The following PPP2R2C variants were observed in gnomAD, a reference collection of about 807,000 sequenced individuals.
The protein encoded by PPP2R2C is protein phosphatase 2, regulatory subunit B, gamma.
Under a neutral mutation model 45.3 loss-of-function variants are expected in PPP2R2C, and 10 were observed. The ratio of observed to expected loss-of-function variants is 0.22; its 90% CI spans 0.14 to 0.37. PPP2R2C has a LOEUF of 0.37. Among genes scored for constraint, PPP2R2C ranks in the 10% least tolerant of loss-of-function variants. PPP2R2C has a pLI of 1.00. For missense variants in PPP2R2C, 308 were observed against 619.7 expected (o/e 0.50, Z 5.34); for synonymous variants, 257 against 245.4 (o/e 1.05, Z -0.44).
chr4:6,336,367 C>T lies in PPP2R2C; in HGVS notation c.791-2636G>A, dbSNP rs1044401654. ...GCACCATGGGAAGGAAGGGTGAGGC[C>T]GCTCGCAGAGGGAGCTGGGAGAGAA... On this transcript the variant is annotated intron_variant, in intron 6 of 8. Coordinates refer to ENST00000382599, the MANE Select transcript of PPP2R2C (RefSeq NM_020416.4). Among the ~76,000 whole-genome samples the T allele has an allele frequency of 3.0e-4, 46 of 152,132 alleles. 1 individual carries two copies. The highest frequency in any genetic ancestry group is 2.1e-3 in the Admixed American group (32 of 15,296).
At chr4:6,498,177 C>T (rs908947772) in intron 2 of PPP2R2C, among the ~76,000 whole-genome samples, 8 of 152,306 alleles carry the variant, frequency 5.3e-5, no homozygotes, top group South Asian at 4.1e-4. Flanking sequence ...CTACACACAT[C>T]GACAAGGAAT....
chr4:6,414,176 C>G, intron 1 of PPP2R2C: 1 of 935,138 alleles, frequency 1.1e-6, no homozygotes, highest in African/African-American at 1.7e-5. Flanking sequence ...TGCCTTTTTC[C>G]TCCTCCTGGC....
In PPP2R2C at chr4:6,405,728, C is replaced by T. The variant is rs578104649; in HGVS notation, c.71-24634G>A. On this transcript the variant is annotated intron_variant, in intron 1 of 8. Transcript: ENST00000382599. ...TCCAGATGCTGACATGACAACATCA[C>T]GAAAACCTCATTTGCAAACCCAAAT... 2.3e-3 allele frequency among the ~76,000 whole-genome samples: 349 copies of T among 152,216 alleles called. 1 individual carries two copies. The highest frequency in any genetic ancestry group is 8.1e-3 in the African/African-American group (335 of 41,526).
rs1170821871 is a variant in PPP2R2C, at chr4:6,374,821, G to A, written c.447+998C>T. Among the ~76,000 whole-genome samples, 3 of 152,178 alleles carry A rather than the reference G, an allele frequency of 2.0e-5. No individual in the cohort carries two copies. In the South Asian group the frequency reaches 6.2e-4, roughly 31 times the overall value. Reference sequence around the variant, plus strand: ...GCGTGGAGCAGCTCCTCAGTAAACAGCTGCCTCCAGTGTGAACTGCGCAGG... The same window carrying A: ...GCGTGGAGCAGCTCCTCAGTAAACAACTGCCTCCAGTGTGAACTGCGCAGG... On this transcript the variant is annotated intron_variant, in intron 4 of 8. Coordinates refer to ENST00000382599, the MANE Select transcript of PPP2R2C (RefSeq NM_020416.4).
chr4:6,369,698 C>T (rs60665192), intron 5 of PPP2R2C, among the ~76,000 whole-genome samples: 1,862 of 152,268 alleles, frequency 0.012, 39 homozygotes, highest in African/African-American at 0.043. Flanking sequence ...AGGCAGCCTC[C>T]TCGAGCCCAG....
chr4:6,538,417 G>A (rs902100796), intron 1 of PPP2R2C, among the ~76,000 whole-genome samples: 3 of 152,066 alleles, frequency 2.0e-5, no homozygotes, highest in Admixed American at 6.5e-5. Context: ...CGTCCCCAGC[G>A]ACGCAAGCGT....
chr4:6,459,823 T>C (rs897135243), intron 1 of PPP2R2C, among the ~76,000 whole-genome samples: 1 of 152,052 alleles, frequency 6.6e-6, no homozygotes, highest in African/African-American at 2.4e-5. Context: ...ACCATAATAT[T>C]GGCAAATATT....
intron 1 of PPP2R2C, among the ~76,000 whole-genome samples, chr4:6,407,164 T>G (rs1717850736): frequency 6.6e-6 from 1 of 152,230 alleles, no homozygotes; most frequent in Admixed American, 6.5e-5. Flanking sequence ...AAGTTTCTGC[T>G]GTTTAAACAA....
chr4:6,508,361 C>T (rs942501369), intron 2 of PPP2R2C, among the ~76,000 whole-genome samples: 9 of 151,884 alleles, frequency 5.9e-5, no homozygotes, highest in African/African-American at 9.7e-5. Flanking sequence ...CCGAGGTGGG[C>T]GAATCACGAG....
rs544644232 is a variant in PPP2R2C at position 6,324,921 on chromosome 4, G to C, written c.1053-1328C>G. Among the ~76,000 whole-genome samples the C allele has an allele frequency of 1.3e-5, 2 of 152,216 alleles. No homozygotes were observed. The highest frequency in any genetic ancestry group is 2.4e-5 in the African/African-American group (1 of 41,460). The stretch of plus-strand genomic sequence containing the variant: ...GGAGGAAGAGGATGTTACGAAAAGC[G>C]ACCATAAAGAAGTTGTCCTGCTGAA... On this transcript the variant is annotated intron_variant, in intron 8 of 8. Transcript: ENST00000382599. The surrounding 1 kb of genome is among the most constrained non-coding windows in gnomAD (Gnocchi z 4.1).
intron 1 of PPP2R2C, among the ~76,000 whole-genome samples, chr4:6,552,967 G>A (rs1725232010): frequency 6.6e-6 from 1 of 152,194 alleles, no homozygotes; most frequent in African/African-American, 2.4e-5. Flanking sequence ...ACTGGAGGCA[G>A]AATTCACCCC....
At chr4:6,326,237 G>C (rs931378479) in intron 8 of PPP2R2C, among the ~76,000 whole-genome samples, 6 of 151,964 alleles carry the variant, frequency 3.9e-5, no homozygotes, top group African/African-American at 1.4e-4. Context: ...AGAGGGAGAG[G>C]ATGAGGCCAG....
chr4:6,535,176 T>G, intron 2 of PPP2R2C: 3 of 1,384,250 alleles, frequency 2.2e-6, no homozygotes, highest in Non-Finnish European at 3.0e-6. Context: ...GGCTTCCCGC[T>G]GTCAGGCTGG....
chr4:6,423,900 TGTTAGGGTTAGG>T (rs71173441), intron 1 of PPP2R2C, among the ~76,000 whole-genome samples: 4 of 152,076 alleles, frequency 2.6e-5, no homozygotes, highest in Non-Finnish European at 4.4e-5. Flanking sequence ...TTTGAGAGTG[TGTTAGGGTTAGG>T]GTTAGGGTTA....
chr4:6,325,468 G>A (rs1170687762), intron 8 of PPP2R2C, among the ~76,000 whole-genome samples: 1 of 152,154 alleles, frequency 6.6e-6, no homozygotes, highest in East Asian at 1.9e-4. Flanking sequence ...CACCCTCCCC[G>A]CGCCAGCACA....
intron 1 of PPP2R2C, among the ~76,000 whole-genome samples, chr4:6,446,917 A>C (rs933923376): frequency 2.7e-5 from 4 of 149,788 alleles, no homozygotes; most frequent in Admixed American, 6.6e-5. Flanking sequence ...TGGAGGAGTG[A>C]GGGATAAATG....
chr4:6,361,270 C>T (rs193271464), intron 5 of PPP2R2C, among the ~76,000 whole-genome samples: 72 of 152,326 alleles, frequency 4.7e-4, no homozygotes, highest in African/African-American at 1.7e-3. Flanking sequence ...GAGCCCTGCA[C>T]GCTCTCTGTG....
At chr4:6,543,658 A>G (rs986390797) in intron 1 of PPP2R2C, among the ~76,000 whole-genome samples, 2 of 152,162 alleles carry the variant, frequency 1.3e-5, no homozygotes, top group African/African-American at 2.4e-5. Flanking sequence ...AGCGGCTGAC[A>G]TGGAGACGGA....
intron 5 of PPP2R2C, among the ~76,000 whole-genome samples, chr4:6,367,037 C>T (rs1465976885): frequency 6.6e-6 from 1 of 151,294 alleles, no homozygotes; most frequent in East Asian, 1.9e-4. Context: ...GCACCTCTTT[C>T]CATTCTGAGG....
Sources: allele counts gnomAD v4.1 joint callset (sites outside exome capture counted in the v4.1 genomes callset), GRCh38; gene constraint gnomAD v4.1.1; non-coding constraint Gnocchi (gnomAD v3.1); transcripts MANE v1.5; gene names NCBI Gene and HGNC (gene_info 2026-07-23, HGNC 2026-07-21).